DOCK10: variants seen among roughly 807,000 people sequenced by gnomAD.
DOCK10 encodes dedicator of cytokinesis protein 10.
Under a neutral mutation model 280.1 loss-of-function variants are expected in DOCK10, and 145 were observed. The observed-to-expected ratio is 0.52, with a 90% confidence interval of 0.45 to 0.59. DOCK10 has a LOEUF of 0.59. Among genes scored for constraint, DOCK10 ranks in the 20% least tolerant of loss-of-function variants. The pLI is 0.00. For synonymous variants in DOCK10, 915 were observed against 942.2 expected, an observed-to-expected ratio of 0.97 and a Z score of 0.53; for missense variants, 2,368 against 2,651.7, an observed-to-expected ratio of 0.89 and a Z score of 2.35.
At chr2:224,769,448 TC>T (rs1690271092) in intron 55 of DOCK10, among the ~76,000 whole-genome samples, 1 of 152,212 alleles carries the variant, frequency 6.6e-6, no homozygotes, top group South Asian at 2.1e-4. Context: ...GGAGACTAAT[TC>T]AAGTTCTGCT....
In DOCK10 at chr2:224,773,304, A is replaced by G. The variant is rs1559365840; in HGVS notation, c.6057T>C (p.Ile2019=). 6.2e-7 allele frequency: 1 copy of G among 1,613,730 alleles called. No homozygotes were observed. Among genetic ancestry groups the G allele is most frequent in the Non-Finnish European group, 8.5e-7 (1 of 1,179,846 alleles). The change falls in exon 53 of 56, where the codon ATT becomes ATC. Residue 2019 remains isoleucine (I), a synonymous_variant. Coordinates refer to ENST00000258390, the MANE Select transcript of DOCK10 (RefSeq NM_014689.3). ...GATTCAGTTCTGTGCTCGATTGGCT[A>G]ATTACTTGTATTCTCTTCTTCACGT... ...FPYVKKRIQV[I]SQSSTELNPI...
chr2:224,982,230 T>G (rs1187738776), intron 1 of DOCK10: 4 of 1,231,824 alleles, frequency 3.2e-6, no homozygotes, highest in African/African-American at 1.6e-5. Context: ...GTTCTGGGTC[T>G]ATTCATTTCA....
At chr2:224,846,227 A>G (rs965318812) in intron 19 of DOCK10, among the ~76,000 whole-genome samples, 1 of 152,246 alleles carries the variant, frequency 6.6e-6, no homozygotes, top group East Asian at 1.9e-4. Context: ...GACTAAATAC[A>G]TGCACATACA....
intron 1 of DOCK10, among the ~76,000 whole-genome samples, chr2:225,029,095 C>T (rs1252472396): frequency 6.6e-6 from 1 of 152,302 alleles, no homozygotes; most frequent in East Asian, 1.9e-4. Flanking sequence ...TGAGTCCTCC[C>T]GTGGCATTGC....
intron 14 of DOCK10, chr2:224,860,976 T>G (rs1389983795): frequency 6.6e-6 from 1 of 152,178 alleles, no homozygotes; most frequent in African/African-American, 2.4e-5. Context: ...GAAAAATGTG[T>G]GCACTATTGT....
Position 224,805,198 on chromosome 2 carries a change from C to T in DOCK10, c.4051+8G>A. On this transcript the variant is annotated splice_region_variant and intron_variant, in intron 36 of 55. Transcript: ENST00000258390. The surrounding 1 kb of genome is among the most constrained non-coding windows in gnomAD (Gnocchi z 4.3). The stretch of plus-strand genomic sequence containing the variant: ...CTTTTTTCAAAAAAATTAAAGAATT[C>T]TCTTTACCGTACGAAATCGTTTTCA... 1.2e-6 allele frequency: 2 copies of T among 1,605,712 alleles called. No individual in the cohort carries two copies. Among genetic ancestry groups the T allele is most frequent in the Non-Finnish European group, 1.7e-6 (2 of 1,176,702 alleles).
intron 1 of DOCK10, among the ~76,000 whole-genome samples, chr2:225,038,695 A>G (rs1690332365): frequency 6.6e-6 from 1 of 152,226 alleles, no homozygotes; most frequent in South Asian, 2.1e-4. Context: ...TTGTCTAATA[A>G]TAGAGTAAAT....
At chr2:224,860,734 TG>T (rs1697448528) in intron 14 of DOCK10, 1 of 152,034 alleles carries the variant, frequency 6.6e-6, no homozygotes, top group Non-Finnish European at 1.5e-5. Context: ...CTACCACCCT[TG>T]GTTAATTTTT....
chr2:225,041,933 C>A (rs1037727263), intron 1 of DOCK10, among the ~76,000 whole-genome samples: 1 of 152,210 alleles, frequency 6.6e-6, no homozygotes, highest in African/African-American at 2.4e-5. Context: ...ACCAGTGTGA[C>A]TGGCGGTGCA....
At chr2:225,009,235 G>A (rs1211391817) in intron 1 of DOCK10, among the ~76,000 whole-genome samples, 1 of 152,154 alleles carries the variant, frequency 6.6e-6, no homozygotes, top group Non-Finnish European at 1.5e-5. Context: ...TCCAACTACA[G>A]AAGAGTATTT....
intron 1 of DOCK10, among the ~76,000 whole-genome samples, chr2:224,974,818 T>TTATA (rs1189373043): frequency 7.7e-6 from 1 of 129,182 alleles, no homozygotes; most frequent in East Asian, 2.1e-4. Flanking sequence ...ATTATATATA[T>TTATA]AATATATATA....
intron 1 of DOCK10, among the ~76,000 whole-genome samples, chr2:225,035,579 T>TG (rs1690231695): frequency 9.4e-6 from 1 of 105,996 alleles, no homozygotes; most frequent in African/African-American, 4.4e-5. Context: ...TATATATATA[T>TG]ATATATATAA....
intron 1 of DOCK10, among the ~76,000 whole-genome samples, chr2:224,937,237 C>T (rs1485055329): frequency 6.6e-6 from 1 of 152,146 alleles, no homozygotes; most frequent in Non-Finnish European, 1.5e-5. Flanking sequence ...TACCTACCAG[C>T]TACGTAACTT....
At chr2:224,955,058 C>G (rs1703962181) in intron 1 of DOCK10, among the ~76,000 whole-genome samples, 1 of 152,128 alleles carries the variant, frequency 6.6e-6, no homozygotes, top group Non-Finnish European at 1.5e-5. Context: ...GGAGCCTACT[C>G]CAGCTTCCCA....
chr2:224,775,487 A>T (rs1055620892), intron 51 of DOCK10, among the ~76,000 whole-genome samples: 51 of 151,220 alleles, frequency 3.4e-4, no homozygotes, highest in African/African-American at 1.1e-3. Context: ...TATTATTATT[A>T]TTTTTTGAGA....
At chr2:224,863,919 C>G (rs1697695494) in intron 13 of DOCK10, among the ~76,000 whole-genome samples, 1 of 152,174 alleles carries the variant, frequency 6.6e-6, no homozygotes, top group Admixed American at 6.5e-5. Flanking sequence ...TTATTTATCT[C>G]ACTTTGTTCA....
At chr2:224,911,693 G>A (rs1299830534) in intron 3 of DOCK10, among the ~76,000 whole-genome samples, 1 of 152,164 alleles carries the variant, frequency 6.6e-6, no homozygotes, top group Non-Finnish European at 1.5e-5. Flanking sequence ...TAGAGACTCA[G>A]AGCCACAAGC....
chr2:224,818,412 T>TTC (rs1419451050), intron 29 of DOCK10, among the ~76,000 whole-genome samples: 1 of 151,052 alleles, frequency 6.6e-6, no homozygotes, highest in African/African-American at 2.4e-5. Context: ...TTTTTTTTTT[T>TTC]TTTTGAGACG....
chr2:224,958,110 CTACTT>C (rs1559864588), intron 1 of DOCK10, among the ~76,000 whole-genome samples: 1 of 152,196 alleles, frequency 6.6e-6, no homozygotes, highest in Non-Finnish European at 1.5e-5. Context: ...ACCACAGTAT[CTACTT>C]TATTAGATGT....
Sources: gnomAD v4.1 joint callset for allele counts (sites outside exome capture counted in the v4.1 genomes callset) on GRCh38, gnomAD v4.1.1 for gene constraint, Gnocchi (gnomAD v3.1) non-coding constraint, MANE v1.5 for transcripts, NCBI Gene and HGNC (gene_info 2026-07-23, HGNC 2026-07-21) for gene names.